Variants in ASIC2 observed in about 807,000 individuals in gnomAD.
The protein encoded by ASIC2 is acid sensing ion channel subunit 2.
ASIC2 carries 25 observed loss-of-function variants against 57.3 expected under a neutral mutation model. That is an observed-to-expected ratio of 0.44 (90% CI 0.32 to 0.61). The LOEUF (loss-of-function observed/expected upper bound fraction) is 0.61. Among genes scored for constraint, ASIC2 ranks in the 20% least tolerant of loss-of-function variants. The pLI, the probability that ASIC2 is intolerant of heterozygous loss-of-function variation, is 0.06. For synonymous variants in ASIC2, 319 were observed against 307.5 expected (o/e 1.04, Z -0.39); for missense variants, 641 against 738.1 (o/e 0.87, Z 1.52).
chr17:33,037,523 T>C (rs9910292), intron 3 of ASIC2, among the ~76,000 whole-genome samples: 4,719 of 151,648 alleles, frequency 0.031, 230 homozygotes, highest in African/African-American at 0.098. Context: ...AATTACTGTG[T>C]GCACAGCACC....
In ASIC2 at chr17:34,091,160, T is replaced by C. The variant is rs35432270; in HGVS notation, c.555+64818A>G. ...AGATCAAGACCCCCTTGGTAACTAA[T>C]CATCCAGCCCTTGTCCACATTGCCA... On this transcript the variant is annotated intron_variant, in intron 1 of 9. Transcript: ENST00000359872. Among the ~76,000 whole-genome samples, 585 of 152,354 alleles carry C rather than the reference T, an allele frequency of 3.8e-3. 8 individuals are homozygous for C. The highest frequency in any genetic ancestry group is 0.014 in the African/African-American group (562 of 41,582).
At chr17:33,248,714 T>A (rs139665872) in intron 1 of ASIC2, among the ~76,000 whole-genome samples, 1 of 152,296 alleles carries the variant, frequency 6.6e-6, no homozygotes, top group African/African-American at 2.4e-5. Context: ...ATCACTCTCA[T>A]CAATCTCTAT....
At chr17:33,491,536 C>T (rs1168277825) in intron 1 of ASIC2, among the ~76,000 whole-genome samples, 1 of 152,224 alleles carries the variant, frequency 6.6e-6, no homozygotes, top group Non-Finnish European at 1.5e-5. Context: ...TTTTGCCGAA[C>T]ACTGCATGCC....
chr17:33,730,693 G>A (rs2142090528), intron 1 of ASIC2, among the ~76,000 whole-genome samples: 1 of 152,266 alleles, frequency 6.6e-6, no homozygotes, highest in Non-Finnish European at 1.5e-5. Flanking sequence ...GACGCTTCAA[G>A]GAGAACTTCA....
At chr17:34,099,160 GAGAGAAAGAAAGAAAGAAAGAAAGAA>G (rs1910688065) in intron 1 of ASIC2, among the ~76,000 whole-genome samples, 1 of 5,372 alleles carries the variant, frequency 1.9e-4, no homozygotes, top group African/African-American at 4.8e-4. Context: ...GAGAGAGAGA[GAGAGAAAGAAAGAAAGAAAGAAAGAA>G]AGAAAGAAAG....
At chr17:33,440,072 A>T (rs1000951095) in intron 1 of ASIC2, among the ~76,000 whole-genome samples, 1 of 152,210 alleles carries the variant, frequency 6.6e-6, no homozygotes, top group East Asian at 1.9e-4. Flanking sequence ...TGATTTTTGC[A>T]TAGTGCAATC....
chr17:33,518,639 A>AT (rs920518295), intron 1 of ASIC2, among the ~76,000 whole-genome samples: 2 of 152,194 alleles, frequency 1.3e-5, no homozygotes, highest in African/African-American at 4.8e-5. Context: ...TAGCACCTTC[A>AT]TTTTCCAAAT....
chr17:33,039,560 A>T (rs765281072), intron 3 of ASIC2, among the ~76,000 whole-genome samples: 38 of 152,294 alleles, frequency 2.5e-4, no homozygotes, highest in Middle Eastern at 3.4e-3. Flanking sequence ...GCTGCTTCAG[A>T]GGATGCTGTG....
At chr17:33,628,200 A>G (rs1597812794) in intron 1 of ASIC2, among the ~76,000 whole-genome samples, 2 of 152,136 alleles carry the variant, frequency 1.3e-5, no homozygotes, top group East Asian at 3.9e-4. Flanking sequence ...ATGGGGACCT[A>G]GTCTGATTCA....
chr17:33,322,797 G>T (rs1906921521), intron 1 of ASIC2, among the ~76,000 whole-genome samples: 1 of 152,036 alleles, frequency 6.6e-6, no homozygotes, highest in Non-Finnish European at 1.5e-5. Flanking sequence ...GGCACGAGTT[G>T]GAGGAGGCTT....
intron 1 of ASIC2, among the ~76,000 whole-genome samples, chr17:33,444,247 G>C (rs1911932422): frequency 6.6e-6 from 1 of 152,174 alleles, no homozygotes; most frequent in Non-Finnish European, 1.5e-5. Context: ...TTTTAAAACT[G>C]CTGGGTGTGT....
chr17:34,052,722 T>A (rs1908616645), intron 1 of ASIC2, among the ~76,000 whole-genome samples: 1 of 152,042 alleles, frequency 6.6e-6, no homozygotes, highest in Non-Finnish European at 1.5e-5. Context: ...GTTCAAGCGA[T>A]TCTGCTGCCT....
intron 1 of ASIC2, among the ~76,000 whole-genome samples, chr17:33,773,602 A>T (rs1335604378): frequency 6.6e-6 from 1 of 151,914 alleles, no homozygotes; most frequent in Non-Finnish European, 1.5e-5. Flanking sequence ...AGATTCACCA[A>T]GATGCACTGA....
intron 1 of ASIC2, among the ~76,000 whole-genome samples, chr17:33,911,320 T>TGG (rs1915457046): frequency 6.6e-6 from 1 of 152,226 alleles, no homozygotes; most frequent in Non-Finnish European, 1.5e-5. Context: ...GATGGACACC[T>TGG]GGCTCCATCA....
intron 1 of ASIC2, among the ~76,000 whole-genome samples, chr17:33,200,815 T>C (rs1906828399): frequency 6.6e-6 from 1 of 152,184 alleles, no homozygotes; most frequent in Non-Finnish European, 1.5e-5. Flanking sequence ...AATCCTCCAA[T>C]GACTCTCCAT....
intron 1 of ASIC2, among the ~76,000 whole-genome samples, chr17:33,764,659 A>G (rs552426967): frequency 1.3e-5 from 2 of 152,184 alleles, no homozygotes; most frequent in African/African-American, 2.4e-5. Flanking sequence ...TTCCTCCTCC[A>G]TGATAACCTA....
In ASIC2 at chr17:33,283,670, A is replaced by G. The variant is rs115805333; in HGVS notation, c.708+7738T>C. ...GTATATGGGGCCTTAAGAGACCTTA[A>G]TTCAAATGCTGGCTCTTCTTGTATT... On this transcript the variant is annotated intron_variant, in intron 1 of 9. Transcript: ENST00000225823. Among the ~76,000 whole-genome samples, 450 of 152,306 alleles carry G rather than the reference A, an allele frequency of 3.0e-3. 1 individual carries two copies. Among genetic ancestry groups the G allele is most frequent in the African/African-American group, 0.011 (444 of 41,574 alleles).
chr17:33,472,904 T>G (rs1356737069), intron 1 of ASIC2, among the ~76,000 whole-genome samples: 1 of 152,184 alleles, frequency 6.6e-6, no homozygotes, highest in Non-Finnish European at 1.5e-5. Context: ...AAAACTGTGG[T>G]AATCTTGGCC....
chr17:33,812,567 C>G (rs1912455972), intron 1 of ASIC2, among the ~76,000 whole-genome samples: 1 of 152,072 alleles, frequency 6.6e-6, no homozygotes, highest in South Asian at 2.1e-4. Flanking sequence ...TGCTCCAGCC[C>G]AGGGCAGGAG....
Sources: allele counts gnomAD v4.1 joint callset (sites outside exome capture counted in the v4.1 genomes callset), GRCh38; gene constraint gnomAD v4.1.1; transcripts MANE v1.5; gene names NCBI Gene and HGNC (gene_info 2026-07-23, HGNC 2026-07-21).